RPS19BP1: variants seen among roughly 807,000 people sequenced by gnomAD.
The protein encoded by RPS19BP1 is active regulator of SIRT1.
A neutral mutation model predicts 16.6 loss-of-function variants in RPS19BP1; 14 were observed. The observed-to-expected ratio is 0.84, with a 90% CI of 0.56 to 1.32. RPS19BP1 has a LOEUF of 1.32. Ranked by LOEUF, RPS19BP1 falls within the 40% of genes most tolerant of loss-of-function variation. The probability of loss-of-function intolerance (pLI) is 0.00; values close to 1 mark genes in which losing one functional copy is unlikely to be tolerated. For synonymous variants in RPS19BP1, 90 were observed against 77.3 expected (o/e 1.16, Z -0.86); for missense variants, 188 against 178.6 (o/e 1.05, Z -0.30).
chr22:39,530,640 G>A (rs777171234), intron 2 of RPS19BP1: 1 of 192,294 alleles, frequency 5.2e-6, no homozygotes, highest in Admixed American at 6.1e-5. Context: ...CAGGAGCATC[G>A]TTTGAACTCG....
intron 2 of RPS19BP1, chr22:39,530,186 G>A (rs1931271213): frequency 2.2e-6 from 1 of 460,278 alleles, no homozygotes; most frequent in Non-Finnish European, 3.9e-6. Context: ...GAGAGATGAA[G>A]GACAAAGGAC....
intron 2 of RPS19BP1, chr22:39,530,304 G>C (rs1006326497): frequency 1.6e-5 from 4 of 244,680 alleles, no homozygotes; most frequent in Non-Finnish European, 3.2e-5. Flanking sequence ...GGAATGAGAA[G>C]GTCTCACTGA....
chr22:39,529,666 G>T, intron 3 of RPS19BP1, 43 bp from the exon 4 acceptor site: 1 of 1,609,902 alleles, frequency 6.2e-7, no homozygotes, highest in African/African-American at 1.3e-5. Context: ...TTCAAGAGCA[G>T]AGGAGGCCCG....
rs749425304 is a variant in RPS19BP1 at position 39,529,627 on chromosome 22, G to A, written c.280-4C>T. ...GGCCCCGGTTCTGGCGCAAAATCTG[G>A]CGAGGGTGCGGGACCGAGGGCCCAT... is the stretch of plus-strand genomic sequence containing the variant. On this transcript the variant is annotated splice_region_variant and splice_polypyrimidine_tract_variant and intron_variant, in intron 3 of 3. Coordinates refer to ENST00000334678, the MANE Select transcript of RPS19BP1 (RefSeq NM_194326.4). 6.2e-7 allele frequency: 1 copy of A among 1,613,774 alleles called. No individual in the cohort carries two copies. Among genetic ancestry groups the A allele is most frequent in the South Asian group, 1.1e-5 (1 of 91,072 alleles).
chr22:39,529,942 C>T (rs1214776866), intron 2 of RPS19BP1, 25 bp from the exon 3 acceptor site: 3 of 1,584,670 alleles, frequency 1.9e-6, no homozygotes, highest in Non-Finnish European at 1.7e-6. Flanking sequence ...CAGGGAGCAC[C>T]ATTTCAGATT....
Position 39,532,531 on chromosome 22 carries a change from G to C in RPS19BP1, c.53-8C>G, listed in dbSNP as rs752976276. 6 of 1,613,472 alleles carry C rather than the reference G, an allele frequency of 3.7e-6. No homozygotes were observed. The South Asian group carries it at 6.6e-5, about 18-fold the overall frequency. On this transcript the variant is annotated splice_polypyrimidine_tract_variant and splice_region_variant and intron_variant, in intron 1 of 3. Coordinates refer to ENST00000334678, the MANE Select transcript of RPS19BP1 (RefSeq NM_194326.4). The stretch of plus-strand genomic sequence containing the variant: ...CTGGAGGGTCCCGGGGGGCTGTAGG[G>C]GAAGAGAGAGGAAGAGACCCAGGTC...
Position 39,532,702 on chromosome 22 carries a change from G to A in RPS19BP1, c.37C>T (p.Leu13=), listed in dbSNP as rs1196474022. The A allele has an allele frequency of 1.3e-6, 2 of 1,543,560 alleles. No individual in the cohort carries two copies. The highest frequency in any genetic ancestry group is 1.7e-6 in the Non-Finnish European group (2 of 1,147,376). The change falls in exon 1 of 4, where the codon CTG becomes TTG. Residue 13 remains leucine, a synonymous_variant. Coordinates refer to ENST00000334678, the MANE Select transcript of RPS19BP1 (RefSeq NM_194326.4). ...AALLRRGLEL[L]AASEAPRDPP... ...CCCTCCTCACCCTCGGACGCCGCCA[G>A]CAGCTCCAGGCCCCGCCGCAGCAGG...
At chr22:39,532,365 G>A in intron 2 of RPS19BP1, 30 bp downstream of exon 2, 1 of 1,613,990 alleles carries the variant, frequency 6.2e-7, no homozygotes, top group South Asian at 1.1e-5. Flanking sequence ...AGCACCGGAG[G>A]CAGCACTTTC....
rs775476163 is a variant in RPS19BP1 at position 39,532,727 on chromosome 22, G to A, written c.12C>T (p.Ala4=). ...GCAGCTCCAGGCCCCGCCGCAGCAG[G>A]GCGGCGGACATGGCGGCGCTTGGCT... MSA[A]LLRRGLELLA... is the part of the protein sequence containing the mutation. The change falls in exon 1 of 4, where the codon GCC becomes GCT. Residue 4 remains alanine (A), a synonymous_variant. Coordinates refer to ENST00000334678, the MANE Select transcript of RPS19BP1 (RefSeq NM_194326.4). 4 of 1,544,148 alleles carry A rather than the reference G, an allele frequency of 2.6e-6. No homozygotes were observed. The highest frequency in any genetic ancestry group is 2.7e-5 in the African/African-American group (2 of 73,060).
In RPS19BP1 at chr22:39,529,508, T is replaced by C. The variant is rs781035911; in HGVS notation, c.395A>G (p.Glu132Gly). 1 of 1,614,210 alleles carries C rather than the reference T, an allele frequency of 6.2e-7. No homozygotes were observed. The highest frequency in any genetic ancestry group is 8.5e-7 in the Non-Finnish European group (1 of 1,180,016). ...TEEDFQKFQQ[E>G]YFGS ...CCAGGGAGCCTAGCTGCCGAAGTAT[T>C]CCTGCTGGAACTTCTGGAAGTCTTC... Residue 132 changes from glutamate to glycine, a missense_variant, in exon 4 of 4, where the codon GAA becomes GGA. By Grantham distance (98) the Glu-to-Gly change is moderately conservative. Transcript: ENST00000334678.
At position 39,529,286 on chromosome 22, in the gene RPS19BP1, G is replaced by A; in HGVS notation, c.*206C>T. 3.1e-6 allele frequency: 2 copies of A among 651,274 alleles called. No homozygotes were observed. Among genetic ancestry groups the A allele is most frequent in the Non-Finnish European group, 2.6e-6 (1 of 386,074 alleles). 40.3% of individuals were successfully genotyped at this position (651,274 alleles called of 1,614,324 possible). On this transcript the variant is annotated 3_prime_UTR_variant, in exon 4 of 4. Transcript: ENST00000334678. ...GCTCTGCCCAGGCCTGCGGAAGCCA[G>A]CTCCGGTCTGTGTGTAAATCCTCCC...
chr22:39,530,476 C>A lies in RPS19BP1; in HGVS notation c.182-559G>T, dbSNP rs542764291. 4.6e-4 allele frequency: 115 copies of A among 252,006 alleles called. 3 individuals carry two copies. In the Middle Eastern group the frequency reaches 4.7e-3, roughly 10 times the overall value. The allele number at this position is 252,006 out of a possible 1,614,324, so 15.6% of individuals were successfully genotyped here. On this transcript the variant is annotated intron_variant, in intron 2 of 3. Transcript: ENST00000334678. ...CGGTGGCTCACACCTGTAATCTCAG[C>A]ACTTTGGGAGGCCGAGGCAGGCAGG...
intron 1 of RPS19BP1, 64 bp from the exon 2 acceptor site, chr22:39,532,587 G>C: frequency 6.2e-7 from 1 of 1,609,948 alleles, no homozygotes; most frequent in South Asian, 1.1e-5. Context: ...ATGCCACTGG[G>C]GCTAAGCCCG....
rs1438523245 is a variant in RPS19BP1 at position 39,529,442 on chromosome 22, G to A, written c.*50C>T. The stretch of plus-strand genomic sequence containing the variant: ...CGGCCGGTTCCTGGAGCCAGCAGGA[G>A]TCGGAGGCTGCAGGGCTTGAAGGCC... On this transcript the variant is annotated 3_prime_UTR_variant, in exon 4 of 4. Coordinates refer to ENST00000334678, the MANE Select transcript of RPS19BP1 (RefSeq NM_194326.4). 1 of 1,607,210 alleles carries A rather than the reference G, an allele frequency of 6.2e-7. No homozygotes were observed. Among genetic ancestry groups the A allele is most frequent in the Non-Finnish European group, 8.5e-7 (1 of 1,177,062 alleles).
At chr22:39,529,705 GCAGGGCTGGCCCAGC>G in intron 3 of RPS19BP1, 82 bp from the exon 4 acceptor site, 2 of 1,599,586 alleles carry the variant, frequency 1.3e-6, no homozygotes, top group Non-Finnish European at 1.7e-6. Flanking sequence ...TCGGCGCAGG[GCAGGGCTGGCCCAGC>G]CTCCCACCCT....
intron 1 of RPS19BP1, 79 bp from the exon 2 acceptor site, chr22:39,532,602 G>A (rs1187779870): frequency 1.2e-6 from 2 of 1,607,924 alleles, no homozygotes; most frequent in Non-Finnish European, 1.7e-6. Context: ...AGCCCGGCCT[G>A]GATTGTTTTC....
rs542822313 is a variant in RPS19BP1 at position 39,529,869 on chromosome 22, T to C, written c.230A>G (p.Lys77Arg). ...GGTGCTTCTCGTCCTGGTCAGAAACTTCAGGTTTACTCTGAGGTGGTCTCG... is the reference window on the plus strand; with the variant it reads ...GGTGCTTCTCGTCCTGGTCAGAAACCTCAGGTTTACTCTGAGGTGGTCTCG... ...ECRDHLRVNLKFLTRTRSTVA... is the reference protein window; with the variant it reads ...ECRDHLRVNLRFLTRTRSTVA... The change falls in exon 3 of 4, where the codon AAG (lysine) becomes AGG (arginine). Residue 77 changes from lysine to arginine, a missense_variant. Transcript: ENST00000334678. 4.3e-6 allele frequency: 7 copies of C among 1,614,204 alleles called. No individual in the cohort carries two copies. The South Asian group carries it at 5.5e-5, about 13-fold the overall frequency.
At chr22:39,529,689 G>C in intron 3 of RPS19BP1, 66 bp from the exon 4 acceptor site, 1 of 1,605,366 alleles carries the variant, frequency 6.2e-7, no homozygotes, top group Non-Finnish European at 8.5e-7. Context: ...AAGGTCACAG[G>C]GGAGTTCGGC....
chr22:39,532,051 C>A, intron 2 of RPS19BP1: 1 of 299,036 alleles, frequency 3.3e-6, no homozygotes. Context: ...ATACATCCTT[C>A]AGCTCTCGGC....
Sources: allele counts gnomAD v4.1 joint callset, GRCh38; gene constraint gnomAD v4.1.1; transcripts MANE v1.5; gene names NCBI Gene and HGNC (gene_info 2026-07-23, HGNC 2026-07-21).